The following LARP4 variants were observed in gnomAD, a reference collection of about 807,000 sequenced individuals.
The protein encoded by LARP4 is La ribonucleoprotein 4.
Under a neutral mutation model 92.9 loss-of-function variants are expected in LARP4, and 29 were observed. The ratio of observed to expected loss-of-function variants is 0.31; its 90% CI spans 0.23 to 0.43. LARP4 has a LOEUF of 0.43. Among genes scored for constraint, LARP4 ranks in the 20% least tolerant of loss-of-function variants. LARP4 has a pLI of 1.00. For missense variants in LARP4, 732 were observed against 860.0 expected, an observed-to-expected ratio of 0.85 and a Z score of 1.86; for synonymous variants, 279 against 284.1, an observed-to-expected ratio of 0.98 and a Z score of 0.18.
chr12:50,401,658 G>C (rs374797505), intron 1 of LARP4, among the ~76,000 whole-genome samples: 1 of 152,124 alleles, frequency 6.6e-6, no homozygotes, highest in Non-Finnish European at 1.5e-5. Context: ...TTTTGTAAAA[G>C]TTACTCAAGC....
Position 50,479,470 on chromosome 12 carries a change from GAT to G in LARP4, c.*3608_*3609del, listed in dbSNP as rs1481904905. Reference sequence around the variant, plus strand: ...ATATGCTAGTCTGAGCTTCCGAAAAGATACATATATGTTTCCCTTTTCATTAG... The same window carrying G: ...ATATGCTAGTCTGAGCTTCCGAAAAGACATATATGTTTCCCTTTTCATTAG... On this transcript the variant is annotated 3_prime_UTR_variant, in exon 16 of 16. Transcript: ENST00000398473. The G allele has an allele frequency of 2.0e-5, 3 of 152,096 alleles. No individual in the cohort carries two copies. The highest frequency in any genetic ancestry group is 7.2e-5 in the African/African-American group (3 of 41,402). The allele number at this position is 152,096 out of a possible 1,614,324, so 9.4% of individuals were successfully genotyped here. A position where few individuals can be genotyped will look rare whatever the true frequency, so the allele number is the denominator to read the frequency against.
intron 13 of LARP4, among the ~76,000 whole-genome samples, chr12:50,471,566 C>T (rs1956935767): frequency 1.3e-5 from 2 of 152,302 alleles, no homozygotes; most frequent in South Asian, 4.1e-4. Flanking sequence ...CTCTGTCGCG[C>T]AGGCTGGAGT....
Position 50,468,454 on chromosome 12 carries a change from C to T in LARP4, c.1545+1334C>T, listed in dbSNP as rs867591955. On this transcript the variant is annotated intron_variant, in intron 13 of 15. Transcript: ENST00000398473. ...GACTACAGGCGCCTGCCACTACGCC[C>T]GGCTAATTTTTTTTTTGTATTTTTA... Among the ~76,000 whole-genome samples the T allele has an allele frequency of 4.6e-5, 7 of 151,468 alleles. No individual in the cohort carries two copies. In the South Asian group the frequency reaches 8.4e-4, roughly 18 times the overall value.
chr12:50,470,712 A>T (rs1956835030), intron 13 of LARP4, among the ~76,000 whole-genome samples: 1 of 152,096 alleles, frequency 6.6e-6, no homozygotes, highest in Admixed American at 6.6e-5. Context: ...TTAAAGAATA[A>T]TCATGAAGTG....
intron 4 of LARP4, among the ~76,000 whole-genome samples, chr12:50,434,403 T>C (rs993348957): frequency 6.0e-5 from 9 of 150,858 alleles, no homozygotes; most frequent in Non-Finnish European, 8.9e-5. Flanking sequence ...TATATATTTT[T>C]TATTTTTCTT....
chr12:50,426,735 T>G (rs1383710702), intron 1 of LARP4, among the ~76,000 whole-genome samples: 17 of 122,950 alleles, frequency 1.4e-4, no homozygotes, highest in African/African-American at 2.7e-4. Context: ...GTGTGTGGTT[T>G]TTTTTTTTTT....
intron 13 of LARP4, among the ~76,000 whole-genome samples, chr12:50,470,341 G>A (rs1490501674): frequency 6.6e-6 from 1 of 151,766 alleles, no homozygotes. Flanking sequence ...TTCCTTATTG[G>A]TACATAAAAT....
At chr12:50,432,765 C>T (rs1949843570) in intron 4 of LARP4, among the ~76,000 whole-genome samples, 1 of 147,682 alleles carries the variant, frequency 6.8e-6, no homozygotes, top group East Asian at 2.0e-4. Context: ...GAGGCTGAGG[C>T]AGGAGAATCG....
At chr12:50,452,887 G>GT (rs1033333906) in intron 8 of LARP4, among the ~76,000 whole-genome samples, 8 of 151,986 alleles carry the variant, frequency 5.3e-5, no homozygotes, top group Admixed American at 5.2e-4. Flanking sequence ...TTTTGACTTA[G>GT]TTTTTTGGGA....
chr12:50,415,493 A>G (rs1040369687), intron 1 of LARP4, among the ~76,000 whole-genome samples: 5 of 152,140 alleles, frequency 3.3e-5, no homozygotes, highest in African/African-American at 1.2e-4. Flanking sequence ...ATCCTCCGAT[A>G]TTTGGATATT....
rs1038637773 is a variant in LARP4, at chr12:50,478,518, A to G, written c.*2654A>G. 1.3e-5 allele frequency: 2 copies of G among 152,072 alleles called. No individual in the cohort carries two copies. The highest frequency in any genetic ancestry group is 4.8e-5 in the African/African-American group (2 of 41,438). The allele number at this position is 152,072 out of a possible 1,614,324, so 9.4% of individuals were successfully genotyped here. ...GTAGTTTATTTATTTGGTTCTTTAG[A>G]TGGAGGAATTTAAAAAATCAAATTT... On this transcript the variant is annotated 3_prime_UTR_variant, in exon 16 of 16. Coordinates refer to ENST00000398473, the MANE Select transcript of LARP4 (RefSeq NM_052879.5).
chr12:50,401,078 A>G (rs1943721326), intron 1 of LARP4, 50 bp downstream of exon 1: 1 of 1,608,430 alleles, frequency 6.2e-7, no homozygotes, highest in Non-Finnish European at 8.5e-7. Context: ...GCAGGAGTGT[A>G]GAGGCGCCGG....
intron 13 of LARP4, among the ~76,000 whole-genome samples, chr12:50,472,565 AG>A (rs1296391547): frequency 6.6e-6 from 1 of 151,400 alleles, no homozygotes; most frequent in Non-Finnish European, 1.5e-5. Context: ...TGTTCCCAGG[AG>A]GGAGTGCCGT....
At chr12:50,402,999 G>T (rs1216538406) in intron 1 of LARP4, among the ~76,000 whole-genome samples, 1 of 152,234 alleles carries the variant, frequency 6.6e-6, no homozygotes, top group Admixed American at 6.5e-5. Context: ...ACAACATGTT[G>T]GTCGTTTGGC....
rs1179899912 is a variant in LARP4, at chr12:50,475,853, T to C, written c.2164T>C (p.Ser722Pro). 14 of 1,611,550 alleles carry C rather than the reference T, an allele frequency of 8.7e-6. No homozygotes were observed. Among genetic ancestry groups the C allele is most frequent in the Non-Finnish European group, 9.3e-6 (11 of 1,178,798 alleles). The change falls in exon 16 of 16, where the codon TCA (serine) becomes CCA (proline). Residue 722 changes from serine (S) to proline (P), a missense_variant. Around this residue, in one of 7 missense-constraint regions of LARP4, gnomAD observed 115 missense variants for 129.1 expected, o/e 0.89. Coordinates refer to ENST00000398473, the MANE Select transcript of LARP4 (RefSeq NM_052879.5). ...CAAAGAGCAATATGTGCCACCCAGATCACCAAAGTAAAAAACAACAAAACT... is the reference window on the plus strand; with the variant it reads ...CAAAGAGCAATATGTGCCACCCAGACCACCAAAGTAAAAAACAACAAAACT... Reference protein sequence around the residue: ...NGKEQYVPPRSPK With the variant: ...NGKEQYVPPRPPK
At chr12:50,451,849 C>G (rs184301253) in intron 8 of LARP4, among the ~76,000 whole-genome samples, 8 of 151,084 alleles carry the variant, frequency 5.3e-5, no homozygotes, top group Admixed American at 2.6e-4. Flanking sequence ...AAAAAAAATA[C>G]AAAAATCAGC....
rs189796214 is a variant in LARP4 at position 50,479,090 on chromosome 12, A to C, written c.*3226A>C. On this transcript the variant is annotated 3_prime_UTR_variant, in exon 16 of 16. Coordinates refer to ENST00000398473, the MANE Select transcript of LARP4 (RefSeq NM_052879.5). ...CACTAGGGTAAAGAAGAACAAAAAG[A>C]ATGTTGCTGGAACGTAAAATAGTAT... 2.0e-5 allele frequency: 3 copies of C among 152,752 alleles called. No individual in the cohort carries two copies. Among genetic ancestry groups the C allele is most frequent in the Admixed American group, 2.0e-4 (3 of 15,304 alleles). 9.5% of individuals were successfully genotyped at this position (152,752 alleles called of 1,614,324 possible). A position where few individuals can be genotyped will look rare whatever the true frequency, so the allele number is the denominator to read the frequency against.
intron 10 of LARP4, among the ~76,000 whole-genome samples, chr12:50,455,941 A>G (rs779904292): frequency 3.9e-5 from 6 of 152,010 alleles, no homozygotes; most frequent in Non-Finnish European, 5.9e-5. Context: ...AGTCCCAACT[A>G]CTCAGGAGGC....
Position 50,437,830 on chromosome 12 carries a change from C to A in LARP4, c.631C>A (p.Pro211Thr). ...VILREIPETT[P>T]IEEVKGLFKS... ...TCTTAGAGAGATTCCTGAAACAACACCAATAGAGGTAAATTATTAATAATT... is the reference window on the plus strand; with the variant it reads ...TCTTAGAGAGATTCCTGAAACAACAACAATAGAGGTAAATTATTAATAATT... The change falls in exon 6 of 16, where the codon CCA becomes ACA. Residue 211 changes from proline (P) to threonine (T), a missense_variant. By Grantham distance (38) the Pro-to-Thr change is conservative (BLOSUM62 -1). This residue lies in a region of LARP4 where 236 missense variants were observed against 307.6 expected (regional missense o/e 0.77). Transcript: ENST00000398473. The A allele has an allele frequency of 1.9e-6, 3 of 1,547,614 alleles. No individual in the cohort carries two copies. The highest frequency in any genetic ancestry group is 2.7e-6 in the Non-Finnish European group (3 of 1,122,584).
Sources: allele counts gnomAD v4.1 joint callset (sites outside exome capture counted in the v4.1 genomes callset), GRCh38; gene constraint gnomAD v4.1.1; regional missense constraint gnomAD v4.1.1; transcripts MANE v1.5; gene names NCBI Gene and HGNC (gene_info 2026-07-23, HGNC 2026-07-21).